Variants in TTC28 observed in about 807,000 individuals in gnomAD.
The protein encoded by TTC28 is tetratricopeptide repeat domain 28.
A neutral mutation model predicts 198.0 loss-of-function variants in TTC28; 61 were observed. The observed-to-expected ratio is 0.31, with a 90% CI of 0.25 to 0.38. TTC28 has a LOEUF of 0.38. Ranked by LOEUF, TTC28 falls within the 10% of genes least tolerant of loss-of-function variation. The pLI is 1.00. For synonymous variants in TTC28, 1,171 were observed against 1,297.8 expected (o/e 0.90, Z 2.10); for missense variants, 2,678 against 3,164.0 (o/e 0.85, Z 3.69).
intron 2 of TTC28, among the ~76,000 whole-genome samples, chr22:28,510,448 G>T (rs1366162249): frequency 2.6e-5 from 4 of 152,074 alleles, no homozygotes; most frequent in Admixed American, 6.6e-5. Flanking sequence ...TGCAGAAAAG[G>T]CCTTCGATAA....
At chr22:28,438,766 G>C (rs1367293623) in intron 2 of TTC28, among the ~76,000 whole-genome samples, 10 of 152,166 alleles carry the variant, frequency 6.6e-5, no homozygotes, top group Admixed American at 4.6e-4. Context: ...ATAAGATAAA[G>C]ATGTGATGCA....
chr22:28,275,295 G>T (rs984368006), intron 5 of TTC28, among the ~76,000 whole-genome samples: 1 of 152,130 alleles, frequency 6.6e-6, no homozygotes, highest in Non-Finnish European at 1.5e-5. Context: ...AGGAGAGAAG[G>T]CCCTTAAATT....
intron 6 of TTC28, among the ~76,000 whole-genome samples, chr22:28,123,620 C>T (rs949808723): frequency 1.3e-4 from 20 of 152,180 alleles, no homozygotes; most frequent in African/African-American, 3.4e-4. Flanking sequence ...AGGGTCCTTA[C>T]GATCTTCCTT....
chr22:28,006,976 G>C (rs906719370), intron 14 of TTC28: 2 of 152,142 alleles, frequency 1.3e-5, no homozygotes, highest in Non-Finnish European at 2.9e-5. Context: ...GACACGGCAG[G>C]CCTCTCAGGG....
At chr22:28,173,852 C>T (rs1452667144) in intron 5 of TTC28, among the ~76,000 whole-genome samples, 9 of 152,100 alleles carry the variant, frequency 5.9e-5, no homozygotes, top group Non-Finnish European at 1.0e-4. Context: ...TTTCCCTTAC[C>T]ATATGTATTT....
rs1463224339 is a variant in TTC28, at chr22:28,434,609, C to CCACCAT, written c.382-127972_382-127967dup. Reference sequence around the variant, plus strand: ...AACGCCTACCAAAATGATCATGTATCCACCATCACTCACTGTGACATTTTC... The same window carrying CCACCAT: ...AACGCCTACCAAAATGATCATGTATCCACCATCACCATCACTCACTGTGACATTTTC... On this transcript the variant is annotated intron_variant, in intron 2 of 22. Transcript: ENST00000397906. 1.9e-4 allele frequency among the ~76,000 whole-genome samples: 29 copies of CCACCAT among 152,240 alleles called. No homozygotes were observed. In the South Asian group the frequency reaches 5.0e-3, roughly 26 times the overall value.
At chr22:28,220,261 T>C (rs537250135) in intron 5 of TTC28, among the ~76,000 whole-genome samples, 6 of 152,356 alleles carry the variant, frequency 3.9e-5, no homozygotes, top group East Asian at 3.9e-4. Context: ...CACTGAGACA[T>C]TGTATTAGTT....
intron 2 of TTC28, among the ~76,000 whole-genome samples, chr22:28,456,301 T>C (rs1357241145): frequency 6.6e-6 from 1 of 152,062 alleles, no homozygotes; most frequent in African/African-American, 2.4e-5. Context: ...AGAAAGTAGA[T>C]TAGTGGTCAC....
At chr22:28,028,902 G>A (rs1310247204) in intron 13 of TTC28, 2 of 441,524 alleles carry the variant, frequency 4.5e-6, no homozygotes, top group Non-Finnish European at 9.5e-6. Flanking sequence ...ACGAGACTGA[G>A]GCTGACAGAG....
At chr22:28,457,532 C>T (rs553264457) in intron 2 of TTC28, among the ~76,000 whole-genome samples, 6 of 152,276 alleles carry the variant, frequency 3.9e-5, no homozygotes, top group African/African-American at 9.6e-5. Flanking sequence ...CATAGCTCAT[C>T]GACAAGTAAC....
intron 6 of TTC28, among the ~76,000 whole-genome samples, chr22:28,132,407 C>T (rs1334570405): frequency 6.6e-6 from 1 of 152,178 alleles, no homozygotes; most frequent in Non-Finnish European, 1.5e-5. Context: ...GATTATGGTA[C>T]AGCAATATAC....
chr22:28,467,253 T>A (rs2048034911), intron 2 of TTC28, among the ~76,000 whole-genome samples: 1 of 152,158 alleles, frequency 6.6e-6, no homozygotes, highest in Admixed American at 6.5e-5. Context: ...AGACCCTGTC[T>A]CTACAAACAA....
intron 2 of TTC28, among the ~76,000 whole-genome samples, chr22:28,307,263 A>G (rs913752512): frequency 1.3e-5 from 2 of 152,224 alleles, no homozygotes; most frequent in Non-Finnish European, 2.9e-5. Flanking sequence ...GAATTATTTT[A>G]AAAACTAGTA....
At chr22:28,618,930 C>G (rs2050946792) in intron 2 of TTC28, among the ~76,000 whole-genome samples, 1 of 151,982 alleles carries the variant, frequency 6.6e-6, no homozygotes, top group African/African-American at 2.4e-5. Flanking sequence ...ATCTGATAAA[C>G]TATTCACAAG....
chr22:28,045,916 G>C (rs2146688827), intron 12 of TTC28, among the ~76,000 whole-genome samples: 1 of 152,324 alleles, frequency 6.6e-6, no homozygotes, highest in South Asian at 2.1e-4. Flanking sequence ...GTTGCAGTGA[G>C]CCGAGAAGGC....
intron 12 of TTC28, among the ~76,000 whole-genome samples, chr22:28,055,807 T>C (rs1468363968): frequency 6.6e-6 from 1 of 152,108 alleles, no homozygotes; most frequent in African/African-American, 2.4e-5. Context: ...AGGCCATCTA[T>C]ATCACCACCC....
chr22:28,521,754 T>G (rs981183125), intron 2 of TTC28, among the ~76,000 whole-genome samples: 3 of 152,194 alleles, frequency 2.0e-5, no homozygotes, highest in Non-Finnish European at 4.4e-5. Flanking sequence ...AGCTTTTCCC[T>G]CAAGATATCT....
At chr22:28,009,702 G>C (rs1046622051) in intron 14 of TTC28, among the ~76,000 whole-genome samples, 4 of 152,228 alleles carry the variant, frequency 2.6e-5, no homozygotes, top group Non-Finnish European at 5.9e-5. Flanking sequence ...ACCACCATTA[G>C]CAGTCTGTGA....
At chr22:28,500,685 T>C (rs1158130914) in intron 2 of TTC28, among the ~76,000 whole-genome samples, 1 of 152,172 alleles carries the variant, frequency 6.6e-6, no homozygotes, top group African/African-American at 2.4e-5. Flanking sequence ...ACATTTATAA[T>C]GGACAATTCC....
Sources: allele counts gnomAD v4.1 joint callset (sites outside exome capture counted in the v4.1 genomes callset), GRCh38; gene constraint gnomAD v4.1.1; transcripts MANE v1.5; gene names NCBI Gene and HGNC (gene_info 2026-07-23, HGNC 2026-07-21).